PWWP3A: variants seen among roughly 807,000 people sequenced by gnomAD.
The protein encoded by PWWP3A is PWWP domain containing 3A, DNA repair factor.
In PWWP3A, 53 loss-of-function variants were observed where a neutral mutation model predicts 79.0. The ratio of observed to expected loss-of-function variants is 0.67; its 90% confidence interval spans 0.54 to 0.84. The LOEUF is 0.84. Ranked by LOEUF, PWWP3A falls within the 40% of genes least tolerant of loss-of-function variation. The pLI, the probability that PWWP3A is intolerant of heterozygous loss-of-function variation, is 0.00. For synonymous variants in PWWP3A, 443 were observed against 394.4 expected, an observed-to-expected ratio of 1.12 and a Z score of -1.46; for missense variants, 973 against 948.0, an observed-to-expected ratio of 1.03 and a Z score of -0.35.
chr19:1,360,902 CGGGCCG>C lies in PWWP3A; in HGVS notation c.987_992del (p.Gly332_Pro333del). 1 of 1,540,628 alleles carries C rather than the reference CGGGCCG, an allele frequency of 6.5e-7. No homozygotes were observed. The highest frequency in any genetic ancestry group is 8.8e-7 in the Non-Finnish European group (1 of 1,142,634). ...TGGCAGCAGGGGCCGCACCATCCCCCGGGCCGGGGCCAGGGCCCAGAGAGTCTGTGA... is the reference window on the plus strand; with the variant it reads ...TGGCAGCAGGGGCCGCACCATCCCCCGGGCCAGGGCCCAGAGAGTCTGTGA... On this transcript the variant is annotated inframe_deletion, in exon 5 of 14. Transcript: ENST00000591337. The surrounding 1 kb of genome is among the most constrained non-coding windows in gnomAD (Gnocchi z 4.4).
At chr19:1,361,061 G>A in intron 5 of PWWP3A, 29 bp downstream of exon 5, 1 of 1,418,950 alleles carries the variant, frequency 7.0e-7, no homozygotes, top group Non-Finnish European at 9.2e-7. Flanking sequence ...GGAGGAGAGC[G>A]CAGAGGGTGG....
intron 13 of PWWP3A, among the ~76,000 whole-genome samples, chr19:1,376,296 TTTTTTTTTTTGTTTG>T (rs1333522263): frequency 0.036 from 2,420 of 67,458 alleles, 183 homozygotes; most frequent in African/African-American, 0.15. Flanking sequence ...CGGCTGTTTG[TTTTTTTTTTTGTTTG>T]TTTTTTTTTT....
In PWWP3A at chr19:1,369,531, T is replaced by C; in HGVS notation, c.1499-65T>C. The C allele has an allele frequency of 6.3e-7, 1 of 1,580,630 alleles. No homozygotes were observed. Among genetic ancestry groups the C allele is most frequent in the Non-Finnish European group, 8.7e-7 (1 of 1,149,820 alleles). ...TAAACAGAGACGCCGGGCCAGCCCC[T>C]GGAACACACTTCCTGGGACTCCTCT... On this transcript the variant is annotated intron_variant, in intron 10 of 13. Coordinates refer to ENST00000591337, the MANE Select transcript of PWWP3A (RefSeq NM_001369789.1). This position sits in a 1 kb window ranked among gnomAD's most constrained non-coding sequence, Gnocchi z 4.0.
At chr19:1,365,784 C>T (rs956026864) in intron 7 of PWWP3A, among the ~76,000 whole-genome samples, 5 of 152,360 alleles carry the variant, frequency 3.3e-5, no homozygotes, top group African/African-American at 1.2e-4. Context: ...GGCAGCCTCC[C>T]TGAGAGCGCA....
At position 1,369,746 on chromosome 19, in the gene PWWP3A, A is replaced by T; in HGVS notation, c.1549+100A>T. ...AGCTGTGGAAGGGGACGTTGGGGTCAAGGCACTGTCCGCAGCCACACAGCA... is the reference window on the plus strand; with the variant it reads ...AGCTGTGGAAGGGGACGTTGGGGTCTAGGCACTGTCCGCAGCCACACAGCA... On this transcript the variant is annotated intron_variant, in intron 11 of 13. Transcript: ENST00000591337. This position sits in a 1 kb window ranked among gnomAD's most constrained non-coding sequence, Gnocchi z 4.0. The T allele has an allele frequency of 7.6e-7, 1 of 1,323,852 alleles. No individual in the cohort carries two copies. The highest frequency in any genetic ancestry group is 1.1e-6 in the Non-Finnish European group (1 of 915,976). The allele number at this position is 1,323,852 out of a possible 1,614,324, so 82.0% of individuals were successfully genotyped here. A position where few individuals can be genotyped will look rare whatever the true frequency, so the allele number is the denominator to read the frequency against.
chr19:1,360,497 C>T lies in PWWP3A; in HGVS notation c.576C>T (p.Leu192=). ...KSENPRGPLV[L]PAGGGAQDES... is the part of the protein sequence containing the mutation. ...AAAACCCAAGAGGCCCGTTGGTCCT[C>T]CCAGCTGGAGGTGGTGCCCAAGATG... Residue 192 remains leucine, a synonymous_variant, in exon 5 of 14, where the codon CTC becomes CTT. Coordinates refer to ENST00000591337, the MANE Select transcript of PWWP3A (RefSeq NM_001369789.1). The surrounding 1 kb of genome is among the most constrained non-coding windows in gnomAD (Gnocchi z 4.4). The T allele has an allele frequency of 1.9e-6, 3 of 1,614,186 alleles. No homozygotes were observed. The South Asian group carries it at 3.3e-5, about 18-fold the overall frequency.
intron 4 of PWWP3A, chr19:1,358,880 T>C: frequency 2.5e-6 from 1 of 402,346 alleles, no homozygotes; most frequent in Non-Finnish European, 4.9e-6. Flanking sequence ...AAGCAGTTGG[T>C]TGTGTGTTTA....
chr19:1,371,300 G>A (rs890100247), intron 12 of PWWP3A: 1 of 716,588 alleles, frequency 1.4e-6, no homozygotes, highest in African/African-American at 1.7e-5. Flanking sequence ...TGACCCCTGT[G>A]CAGAGATGGA....
At chr19:1,372,765 C>A (rs1426810767) in intron 12 of PWWP3A, 2 of 281,318 alleles carry the variant, frequency 7.1e-6, no homozygotes, top group African/African-American at 4.4e-5. Flanking sequence ...CCAGAAAAAA[C>A]CGCCACCAAA....
In PWWP3A at chr19:1,360,862, T is replaced by C; in HGVS notation, c.941T>C (p.Val314Ala). 6.5e-7 allele frequency: 1 copy of C among 1,547,310 alleles called. No homozygotes were observed. The highest frequency in any genetic ancestry group is 8.7e-7 in the Non-Finnish European group (1 of 1,146,728). ...GATGGCAGCCAAAGGCCGCCTGCCG[T>C]GCAGCTGGAGCCCATGGCAGCAGGG... is the stretch of plus-strand genomic sequence containing the variant. ...RLDGSQRPPA[V>A]QLEPMAAGAA... is the part of the protein sequence containing the mutation. Residue 314 changes from valine (V) to alanine (A), a missense_variant, in exon 5 of 14, where the codon GTG becomes GCG. By Grantham distance (64) the Val-to-Ala change is moderately conservative. Transcript: ENST00000591337. This position sits in a 1 kb window ranked among gnomAD's most constrained non-coding sequence, Gnocchi z 4.4.
Position 1,370,740 on chromosome 19 carries a change from C to G in PWWP3A, c.1648C>G (p.Leu550Val). Residue 550 changes from leucine to valine, a missense_variant, in exon 12 of 14, where the codon CTG becomes GTG. Leu to Val is a conservative substitution (Grantham distance 32). Coordinates refer to ENST00000591337, the MANE Select transcript of PWWP3A (RefSeq NM_001369789.1). Reference sequence around the variant, plus strand: ...CGAGGAGCCCGTGGTGGGGTGCCCCCTGGGGCAGAGGCAGCCCTGCCGGAA... The same window carrying G: ...CGAGGAGCCCGTGGTGGGGTGCCCCGTGGGGCAGAGGCAGCCCTGCCGGAA... ...SPEEPVVGCP[L>V]GQRQPCRKML... The G allele has an allele frequency of 6.7e-7, 1 of 1,491,306 alleles. No individual in the cohort carries two copies. The highest frequency in any genetic ancestry group is 2.5e-5 in the East Asian group (1 of 40,468). 92.4% of individuals were successfully genotyped at this position (1,491,306 alleles called of 1,614,324 possible).
intron 13 of PWWP3A, 51 bp from the exon 14 acceptor site, chr19:1,376,468 C>CT (rs1568969354): frequency 2.5e-6 from 4 of 1,589,486 alleles, no homozygotes; most frequent in African/African-American, 1.3e-5. Flanking sequence ...CTCTCATATT[C>CT]TTTAACACAC....
At chr19:1,358,266 CTT>C (rs2081928837) in intron 3 of PWWP3A, 126 bp from the exon 4 acceptor site, 5 of 819,174 alleles carry the variant, frequency 6.1e-6, no homozygotes, top group Non-Finnish European at 9.6e-6. Flanking sequence ...TTGGCTGTGA[CTT>C]TTGGTTTAAG....
Position 1,376,580 on chromosome 19 carries a change from AGCAGCCGGCTGTGCTGTCAGCGGG to A in PWWP3A, c.*7_*30del, listed in dbSNP as rs775348403. ...GCGGAACCGGCGCCGTCGGTGAGGG[AGCAGCCGGCTGTGCTGTCAGCGGG>A]GCCTGGCGGTGGAAGCGCCTCCAGT... On this transcript the variant is annotated 3_prime_UTR_variant, in exon 14 of 14. Transcript: ENST00000591337. 14 of 1,613,346 alleles carry A rather than the reference AGCAGCCGGCTGTGCTGTCAGCGGG, an allele frequency of 8.7e-6. No individual in the cohort carries two copies. Among genetic ancestry groups the A allele is most frequent in the Non-Finnish European group, 1.2e-5 (14 of 1,179,812 alleles).
intron 8 of PWWP3A, among the ~76,000 whole-genome samples, chr19:1,366,587 G>A (rs2082134494): frequency 6.6e-6 from 1 of 152,216 alleles, no homozygotes; most frequent in Non-Finnish European, 1.5e-5. Flanking sequence ...CAGAGGCTGG[G>A]TGTGAAGGGT....
Position 1,367,174 on chromosome 19 carries a change from T to C in PWWP3A, c.1376T>C (p.Leu459Pro). ...NPKMKGFTVS[L>P]KSLKHFDCKE... ...TCTGCTTCAAGTTTCACAGTGTCTC[T>C]TAAAAGTTTAAAGCACTTTGATTGT... Residue 459 changes from leucine (L) to proline (P), a missense_variant, in exon 9 of 14, where the codon CTT becomes CCT. Transcript: ENST00000591337. 3.1e-6 allele frequency: 5 copies of C among 1,613,038 alleles called. No individual in the cohort carries two copies. Among genetic ancestry groups the C allele is most frequent in the Non-Finnish European group, 4.2e-6 (5 of 1,179,508 alleles).
intron 1 of PWWP3A, among the ~76,000 whole-genome samples, chr19:1,355,927 T>C (rs768852350): frequency 6.6e-5 from 10 of 152,082 alleles, no homozygotes; most frequent in Non-Finnish European, 1.3e-4. Flanking sequence ...TCCGCTCTTA[T>C]TTTTGTGTGT....
rs1466703237 is a variant in PWWP3A, at chr19:1,376,588, G to T, written c.*12G>T. The T allele has an allele frequency of 7.4e-6, 12 of 1,613,294 alleles. No individual in the cohort carries two copies. Among genetic ancestry groups the T allele is most frequent in the Non-Finnish European group, 1.0e-5 (12 of 1,179,744 alleles). On this transcript the variant is annotated 3_prime_UTR_variant, in exon 14 of 14. Coordinates refer to ENST00000591337, the MANE Select transcript of PWWP3A (RefSeq NM_001369789.1). ...GGCGCCGTCGGTGAGGGAGCAGCCGGCTGTGCTGTCAGCGGGGCCTGGCGG... is the reference window on the plus strand; with the variant it reads ...GGCGCCGTCGGTGAGGGAGCAGCCGTCTGTGCTGTCAGCGGGGCCTGGCGG...
At chr19:1,371,194 C>A in intron 12 of PWWP3A, 116 bp downstream of exon 12, 1 of 1,234,320 alleles carries the variant, frequency 8.1e-7, no homozygotes. Flanking sequence ...GTTCGGCGGC[C>A]AACGGAGCGT....
Sources: allele counts gnomAD v4.1 joint callset (sites outside exome capture counted in the v4.1 genomes callset), GRCh38; gene constraint gnomAD v4.1.1; non-coding constraint Gnocchi (gnomAD v3.1); transcripts MANE v1.5; gene names NCBI Gene and HGNC (gene_info 2026-07-23, HGNC 2026-07-21).